RBFOX1: variants seen among roughly 807,000 people sequenced by gnomAD.
The protein encoded by RBFOX1 is RNA binding protein fox-1 homolog 1.
RBFOX1 carries 8 observed loss-of-function variants against 57.7 expected under a neutral mutation model. The ratio of observed to expected loss-of-function variants is 0.14; its 90% CI spans 0.08 to 0.25. RBFOX1 has a LOEUF of 0.25. RBFOX1 is among the 10% of genes least tolerant of loss of function. RBFOX1 has a pLI of 1.00. For missense variants in RBFOX1, 611 were observed against 548.5 expected (o/e 1.11, Z -1.14); for synonymous variants, 326 against 222.4 (o/e 1.47, Z -4.15).
intron 4 of RBFOX1, among the ~76,000 whole-genome samples, chr16:7,438,283 A>G (rs895953920): frequency 2.0e-5 from 3 of 152,020 alleles, no homozygotes; most frequent in Non-Finnish European, 4.4e-5. Context: ...TTTGCCAGGG[A>G]TGGGGATGGA....
intron 3 of RBFOX1, among the ~76,000 whole-genome samples, chr16:6,666,213 A>G (rs1349802941): frequency 6.6e-6 from 1 of 152,164 alleles, no homozygotes. Flanking sequence ...AGCAGCGTGA[A>G]AACAGACTAA....
chr16:6,508,702 T>G (rs1326527406), intron 2 of RBFOX1, among the ~76,000 whole-genome samples: 1 of 152,156 alleles, frequency 6.6e-6, no homozygotes, highest in African/African-American at 2.4e-5. Context: ...GCATCTGCAG[T>G]TACTTCATCC....
At chr16:6,773,856 T>A (rs1194514680) in intron 3 of RBFOX1, 2 of 602,526 alleles carry the variant, frequency 3.3e-6, no homozygotes, top group African/African-American at 4.0e-5. Context: ...TGTATATATG[T>A]GTGGATGTAG....
intron 3 of RBFOX1, among the ~76,000 whole-genome samples, chr16:6,664,717 T>C (rs2098721356): frequency 6.6e-6 from 1 of 152,192 alleles, no homozygotes; most frequent in African/African-American, 2.4e-5. Context: ...GGGATGGAAG[T>C]CAGTTCTGGA....
chr16:5,909,320 T>G (rs1643966660), intron 4 of RBFOX1, among the ~76,000 whole-genome samples: 1 of 152,062 alleles, frequency 6.6e-6, no homozygotes, highest in Non-Finnish European at 1.5e-5. Context: ...TCTCGATCTC[T>G]GGACCTCATC....
At chr16:5,566,385 G>C (rs2046068152) in intron 2 of RBFOX1, among the ~76,000 whole-genome samples, 1 of 152,104 alleles carries the variant, frequency 6.6e-6, no homozygotes, top group Non-Finnish European at 1.5e-5. Context: ...ACGGTACATA[G>C]AGAATATTAA....
At position 5,565,556 on chromosome 16, in the gene RBFOX1, C is replaced by T. The variant is rs540684946; in HGVS notation, c.259-33346C>T. 4.0e-5 allele frequency among the ~76,000 whole-genome samples: 6 copies of T among 151,874 alleles called. No individual in the cohort carries two copies. In the South Asian group the frequency reaches 6.2e-4, roughly 16 times the overall value. ...AGGAGAATCACTTGAACCCGGGAGGCGGAGTTCGTGGTGAGCTGAGATCGT... is the reference window on the plus strand; with the variant it reads ...AGGAGAATCACTTGAACCCGGGAGGTGGAGTTCGTGGTGAGCTGAGATCGT... On this transcript the variant is annotated intron_variant, in intron 2 of 2. Transcript: ENST00000585867.
intron 3 of RBFOX1, among the ~76,000 whole-genome samples, chr16:5,765,934 C>A (rs566652310): frequency 6.6e-6 from 1 of 152,306 alleles, no homozygotes; most frequent in East Asian, 1.9e-4. Flanking sequence ...TCCACCACTA[C>A]CCAGCTACAT....
intron 4 of RBFOX1, among the ~76,000 whole-genome samples, chr16:7,148,787 G>C (rs1052717173): frequency 6.6e-6 from 1 of 152,312 alleles, no homozygotes; most frequent in African/African-American, 2.4e-5. Context: ...CTAATCCTGA[G>C]TTCGGCAGCC....
rs974513568 is a variant in RBFOX1 at position 6,063,494 on chromosome 16, C to T, written c.-127+43502C>T. On this transcript the variant is annotated intron_variant, in intron 1 of 15. Transcript: ENST00000550418. ...ACACACACACACACACACACACACA[C>T]ACACACACACACCCCCTTATATTTT... Among the ~76,000 whole-genome samples the T allele has an allele frequency of 1.9e-4, 21 of 110,820 alleles. No homozygotes were observed. In the East Asian group the frequency reaches 4.9e-3, roughly 26 times the overall value. 72.7% of individuals were successfully genotyped at this position (110,820 alleles called of 152,430 possible).
chr16:6,542,483 C>CTTTTTTGTTTTTTTTTTT (rs2096835204), intron 2 of RBFOX1, among the ~76,000 whole-genome samples: 1 of 55,718 alleles, frequency 1.8e-5, no homozygotes, highest in Admixed American at 3.0e-4. Flanking sequence ...GGACCATAGT[C>CTTTTTTGTTTTTTTTTTT]TTTTTTTTTT....
At chr16:6,935,015 G>C (rs2077139516) in intron 3 of RBFOX1, among the ~76,000 whole-genome samples, 2 of 152,060 alleles carry the variant, frequency 1.3e-5, no homozygotes, top group South Asian at 4.2e-4. Flanking sequence ...TTGAGCCCAG[G>C]AGGCAGGGGT....
chr16:7,457,615 C>A (rs143148018), intron 4 of RBFOX1, among the ~76,000 whole-genome samples: 177 of 152,190 alleles, frequency 1.2e-3, no homozygotes, highest in African/African-American at 4.1e-3. Flanking sequence ...TGTGAATGTT[C>A]CTTGTGAAGT....
intron 1 of RBFOX1, among the ~76,000 whole-genome samples, chr16:6,042,788 C>G (rs2095452325): frequency 6.6e-6 from 1 of 151,980 alleles, no homozygotes; most frequent in African/African-American, 2.4e-5. Context: ...ATTGGTTCAG[C>G]AAAGAAAGGC....
At chr16:6,859,961 G>T (rs1206733895) in intron 3 of RBFOX1, among the ~76,000 whole-genome samples, 2 of 152,192 alleles carry the variant, frequency 1.3e-5, no homozygotes, top group African/African-American at 4.8e-5. Flanking sequence ...TAGTAAGTGA[G>T]AAGAATTTGA....
chr16:6,407,569 C>CAG (rs71145224), intron 2 of RBFOX1, among the ~76,000 whole-genome samples: 892 of 25,440 alleles, frequency 0.035, 13 homozygotes, highest in African/African-American at 0.12. Context: ...GTGTGTGTGA[C>CAG]AGAGAGAGAG....
At chr16:5,751,370 C>G (rs181251774) in intron 3 of RBFOX1, among the ~76,000 whole-genome samples, 1 of 152,226 alleles carries the variant, frequency 6.6e-6, no homozygotes, top group African/African-American at 2.4e-5. Flanking sequence ...TCTCGGGGAG[C>G]TTTCATACTG....
Position 6,478,449 on chromosome 16 carries a change from T to G in RBFOX1, c.-64+161392T>G, listed in dbSNP as rs539532944. On this transcript the variant is annotated intron_variant, in intron 2 of 15. Coordinates refer to ENST00000550418, the MANE Select transcript of RBFOX1 (RefSeq NM_018723.4). ...TATATATTTTTTTTTTTTTTTTTTG[T>G]ATTTTTAGTAGAGACAGGGTTTCAC... Among the ~76,000 whole-genome samples the G allele has an allele frequency of 1.4e-3, 159 of 115,204 alleles. 3 individuals carry two copies. The highest frequency in any genetic ancestry group is 2.0e-3 in the Non-Finnish European group (114 of 57,456). 75.6% of individuals were successfully genotyped at this position (115,204 alleles called of 152,430 possible). A position where few individuals can be genotyped will look rare whatever the true frequency, so the allele number is the denominator to read the frequency against.
At chr16:6,724,918 C>T (rs1005508077) in intron 3 of RBFOX1, among the ~76,000 whole-genome samples, 4 of 151,934 alleles carry the variant, frequency 2.6e-5, no homozygotes, top group Non-Finnish European at 4.4e-5. Context: ...CTTGCTGTAG[C>T]ATTTGTAAAC....
Sources: allele counts gnomAD v4.1 joint callset (sites outside exome capture counted in the v4.1 genomes callset), GRCh38; gene constraint gnomAD v4.1.1; transcripts MANE v1.5; gene names NCBI Gene and HGNC (gene_info 2026-07-23, HGNC 2026-07-21).